Variants in MYO5B observed in about 807,000 individuals in gnomAD.
The protein encoded by MYO5B is unconventional myosin-Vb.
MYO5B carries 143 observed loss-of-function variants against 229.3 expected under a neutral mutation model. That is an observed-to-expected ratio of 0.62 (90% CI 0.54 to 0.72). MYO5B has a LOEUF of 0.72. Among genes scored for constraint, MYO5B ranks in the 30% least tolerant of loss-of-function variants. MYO5B has a pLI of 0.00. For synonymous variants in MYO5B, 918 were observed against 885.2 expected (o/e 1.04, Z -0.66); for missense variants, 2,321 against 2,331.0 (o/e 1.00, Z 0.09).
chr18:49,979,072 C>CA (rs2025785638), intron 9 of MYO5B, among the ~76,000 whole-genome samples: 1 of 152,178 alleles, frequency 6.6e-6, no homozygotes, highest in South Asian at 2.1e-4. Context: ...CCTGAAGACT[C>CA]AGATTACGGG....
At chr18:49,834,167 A>T (rs1478894899) in intron 39 of MYO5B, among the ~76,000 whole-genome samples, 1 of 152,188 alleles carries the variant, frequency 6.6e-6, no homozygotes, top group Non-Finnish European at 1.5e-5. Context: ...GGAGCTCCAA[A>T]TAAAATCCCA....
At chr18:50,070,091 G>T (rs1402242739) in intron 1 of MYO5B, among the ~76,000 whole-genome samples, 1 of 147,052 alleles carries the variant, frequency 6.8e-6, no homozygotes, top group African/African-American at 2.5e-5. Context: ...GCGTGATCTC[G>T]GTTCACTGCA....
At chr18:49,844,413 G>C (rs541826664) in intron 33 of MYO5B, among the ~76,000 whole-genome samples, 1 of 152,274 alleles carries the variant, frequency 6.6e-6, no homozygotes, top group African/African-American at 2.4e-5. Flanking sequence ...CCCAAACGAG[G>C]CCTCATGAGC....
Position 49,835,422 on chromosome 18 carries a change from A to G in MYO5B, c.5316T>C (p.Ile1772=), listed in dbSNP as rs367573736. 6 of 1,610,054 alleles carry G rather than the reference A, an allele frequency of 3.7e-6. No individual in the cohort carries two copies. Among genetic ancestry groups the G allele is most frequent in the Non-Finnish European group, 5.1e-6 (6 of 1,176,714 alleles). The change falls in exon 39 of 40, where the codon ATT becomes ATC. Residue 1772 remains isoleucine, a splice_region_variant and synonymous_variant. Coordinates refer to ENST00000285039, the MANE Select transcript of MYO5B (RefSeq NM_001080467.3). ...SLCTSLSTQQ[I]VKILNLYTPL... ...GAGTATAAAGGTTTAAAATTTTGACAATCTGTTGGGGATAAAAACGGAATT... is the reference window on the plus strand; with the variant it reads ...GAGTATAAAGGTTTAAAATTTTGACGATCTGTTGGGGATAAAAACGGAATT...
chr18:49,925,758 G>A (rs1229312539), intron 17 of MYO5B, among the ~76,000 whole-genome samples: 1 of 152,186 alleles, frequency 6.6e-6, no homozygotes, highest in Non-Finnish European at 1.5e-5. Context: ...AGCTCCCTAA[G>A]GTCCTCTTCT....
At chr18:49,900,967 A>G (rs997327937) in intron 21 of MYO5B, among the ~76,000 whole-genome samples, 2 of 152,222 alleles carry the variant, frequency 1.3e-5, no homozygotes, top group African/African-American at 2.4e-5. Context: ...TGGTCCCAGC[A>G]CTTTCTATTT....
At chr18:49,972,355 C>A (rs916004515) in intron 10 of MYO5B, among the ~76,000 whole-genome samples, 1 of 152,100 alleles carries the variant, frequency 6.6e-6, no homozygotes, top group Non-Finnish European at 1.5e-5. Flanking sequence ...CTCACGGAGG[C>A]CTCCTAAGAA....
At chr18:50,130,462 C>T (rs536171724) in intron 1 of MYO5B, among the ~76,000 whole-genome samples, 2 of 152,294 alleles carry the variant, frequency 1.3e-5, no homozygotes, top group East Asian at 3.9e-4. Context: ...GGAGGTTACC[C>T]TGAGATGTAC....
intron 9 of MYO5B, among the ~76,000 whole-genome samples, 164 bp from the exon 10 acceptor site, chr18:49,974,779 T>TCACACACACACAGACACACACACA (rs1555648455): frequency 2.3e-4 from 27 of 117,112 alleles, no homozygotes; most frequent in African/African-American, 9.8e-4. Context: ...GCAGTCTCTC[T>TCACACACACACAGACACACACACA]CACACACACA....
At chr18:49,881,305 T>C (rs1391124476) in intron 22 of MYO5B, among the ~76,000 whole-genome samples, 1 of 152,146 alleles carries the variant, frequency 6.6e-6, no homozygotes, top group Non-Finnish European at 1.5e-5. Flanking sequence ...CCCACTTGCT[T>C]TACCTGTCTT....
chr18:49,914,504 G>C (rs541625972), intron 17 of MYO5B, among the ~76,000 whole-genome samples: 2 of 152,186 alleles, frequency 1.3e-5, no homozygotes, highest in South Asian at 4.2e-4. Flanking sequence ...GTCTGGCCAG[G>C]TGTGGTGGCT....
At chr18:50,131,817 A>AT (rs1055114268) in intron 1 of MYO5B, among the ~76,000 whole-genome samples, 7 of 152,168 alleles carry the variant, frequency 4.6e-5, no homozygotes, top group African/African-American at 1.7e-4. Flanking sequence ...CCCCTCTATT[A>AT]TTTGTAGCAA....
chr18:50,194,970 G>A lies in MYO5B; in HGVS notation c.-177C>T, dbSNP rs369578654. On this transcript the variant is annotated 5_prime_UTR_variant, in exon 1 of 40. Coordinates refer to ENST00000285039, the MANE Select transcript of MYO5B (RefSeq NM_001080467.3). Reference sequence around the variant, plus strand: ...GCGCCGCGGCCGGCTCGCTCCCGGCGGCGCGACCTTTACTCCCGCCGCGGC... The same window carrying A: ...GCGCCGCGGCCGGCTCGCTCCCGGCAGCGCGACCTTTACTCCCGCCGCGGC... The A allele has an allele frequency of 8.4e-5, 80 of 954,128 alleles. No homozygotes were observed. Among genetic ancestry groups the A allele is most frequent in the Non-Finnish European group, 1.0e-4 (77 of 743,528 alleles). The allele number at this position is 954,128 out of a possible 1,614,324, so 59.1% of individuals were successfully genotyped here. A position where few individuals can be genotyped will look rare whatever the true frequency, so the allele number is the denominator to read the frequency against.
chr18:50,132,060 T>A (rs959539248), intron 1 of MYO5B, among the ~76,000 whole-genome samples: 13 of 152,214 alleles, frequency 8.5e-5, no homozygotes, highest in African/African-American at 3.1e-4. Flanking sequence ...ACAGTGGGCT[T>A]AGCAAAATAT....
At chr18:49,902,914 A>C in intron 20 of MYO5B, 81 bp from the exon 21 acceptor site, 2 of 1,550,292 alleles carry the variant, frequency 1.3e-6, no homozygotes, top group African/African-American at 2.7e-5. Context: ...CTGCCTGTGG[A>C]GGGAAGAGGC....
At chr18:50,108,446 G>T (rs557762188) in intron 1 of MYO5B, among the ~76,000 whole-genome samples, 1 of 152,186 alleles carries the variant, frequency 6.6e-6, no homozygotes, top group Non-Finnish European at 1.5e-5. Context: ...AAACCACAAT[G>T]TATTTGTTTT....
intron 10 of MYO5B, among the ~76,000 whole-genome samples, chr18:49,966,033 C>A (rs923192747): frequency 6.6e-6 from 1 of 152,134 alleles, no homozygotes; most frequent in African/African-American, 2.4e-5. Flanking sequence ...TCAGTACCAC[C>A]CCAGAGAGAA....
rs971419104 is a variant in MYO5B at position 49,980,553 on chromosome 18, C to A, written c.947G>T (p.Gly316Val). Residue 316 changes from glycine (G) to valine (V), a missense_variant and splice_region_variant, in exon 9 of 40, where the codon GGA (glycine) becomes GTA (valine). By Grantham distance (109) the Gly-to-Val change is moderately radical. This residue lies in a region of MYO5B where 2,113 missense variants were observed against 2,044.7 expected (regional missense o/e 1.03). Transcript: ENST00000285039. Reference sequence around the variant, plus strand: ...GCTCATCTGATGGGACTCTTTCACTCCTGGAAAAGAAAAATGAATGGATGA... The same window carrying A: ...GCTCATCTGATGGGACTCTTTCACTACTGGAAAAGAAAAATGAATGGATGA... ...EKTRQAFTLL[G>V]VKESHQMSIF... The A allele has an allele frequency of 3.8e-6, 6 of 1,599,844 alleles. No individual in the cohort carries two copies. The highest frequency in any genetic ancestry group is 5.1e-6 in the Non-Finnish European group (6 of 1,167,090).
intron 1 of MYO5B, among the ~76,000 whole-genome samples, chr18:50,060,487 T>A (rs1214097793): frequency 6.6e-6 from 1 of 152,224 alleles, no homozygotes; most frequent in Non-Finnish European, 1.5e-5. Context: ...ACCACTCAAT[T>A]TGTCACTATC....
Sources: allele counts gnomAD v4.1 joint callset (sites outside exome capture counted in the v4.1 genomes callset), GRCh38; gene constraint gnomAD v4.1.1; regional missense constraint gnomAD v4.1.1; transcripts MANE v1.5; gene names NCBI Gene and HGNC (gene_info 2026-07-23, HGNC 2026-07-21).